BCHE: variants seen among roughly 807,000 people sequenced by gnomAD.
BCHE encodes cholinesterase.
A neutral mutation model predicts 51.3 loss-of-function variants in BCHE; 48 were observed. The observed-to-expected ratio is 0.94, with a 90% CI of 0.74 to 1.19. The LOEUF (loss-of-function observed/expected upper bound fraction) is 1.19, where lower values mean the gene tolerates loss of function less well. BCHE is among the 50% of genes most tolerant of loss of function. BCHE has a pLI of 0.00. For missense variants in BCHE, 847 were observed against 708.2 expected (o/e 1.20, Z -2.23); for synonymous variants, 251 against 238.0 (o/e 1.05, Z -0.50).
chr3:165,835,780 C>T (rs530718226), intron 1 of BCHE, among the ~76,000 whole-genome samples: 5 of 151,856 alleles, frequency 3.3e-5, no homozygotes, highest in Non-Finnish European at 5.9e-5. Context: ...TTAGGAAGAA[C>T]ATTTGCAAAC....
At chr3:165,787,116 T>C (rs963065718) in intron 2 of BCHE, among the ~76,000 whole-genome samples, 1 of 151,832 alleles carries the variant, frequency 6.6e-6, no homozygotes, top group African/African-American at 2.4e-5. Flanking sequence ...AACTTTCATA[T>C]TATCTTTTTA....
In BCHE at chr3:165,799,668, C is replaced by T. The variant is rs527448733; in HGVS notation, c.1518-13357G>A. On this transcript the variant is annotated intron_variant, in intron 2 of 3. Transcript: ENST00000264381. ...CATAAACATATATACAGACTCGAGC[C>T]TAAATCATGCTTAATGAATTTTTCA... 3.3e-5 allele frequency among the ~76,000 whole-genome samples: 5 copies of T among 152,140 alleles called. No homozygotes were observed. The South Asian group carries it at 1.0e-3, about 32-fold the overall frequency.
intron 3 of BCHE, among the ~76,000 whole-genome samples, chr3:165,780,975 C>T (rs962853556): frequency 6.6e-6 from 1 of 152,114 alleles, no homozygotes; most frequent in Non-Finnish European, 1.5e-5. Flanking sequence ...GGTGCAGTGG[C>T]TCACACATTT....
chr3:165,782,183 G>T (rs1712733115), intron 3 of BCHE, among the ~76,000 whole-genome samples: 1 of 151,936 alleles, frequency 6.6e-6, no homozygotes, highest in Admixed American at 6.6e-5. Flanking sequence ...AGCTTTCTAT[G>T]CCCAATTTTA....
chr3:165,779,300 A>C (rs1489549457), intron 3 of BCHE, among the ~76,000 whole-genome samples: 1 of 152,144 alleles, frequency 6.6e-6, no homozygotes, highest in African/African-American at 2.4e-5. Context: ...ATTTATGACA[A>C]ACCCATAGCC....
chr3:165,830,633 T>C lies in BCHE; in HGVS notation c.401A>G (p.Asn134Ser), dbSNP rs1221717614. ...NVWIPAPKPK[N>S]ATVLIWIYGG... ...ATAAATCCATATCAATACAGTGGCA[T>C]TTTTTGGTTTAGGTGCTGGAATCCA... Residue 134 changes from asparagine (N) to serine (S), a missense_variant, in exon 2 of 4, where the codon AAT becomes AGT. By Grantham distance (46) the Asn-to-Ser change is conservative. Transcript: ENST00000264381. 20 of 1,613,904 alleles carry C rather than the reference T, an allele frequency of 1.2e-5. No individual in the cohort carries two copies. Among genetic ancestry groups the C allele is most frequent in the Non-Finnish European group, 1.6e-5 (19 of 1,179,956 alleles).
At chr3:165,787,129 A>G (rs867018517) in intron 2 of BCHE, among the ~76,000 whole-genome samples, 2 of 151,666 alleles carry the variant, frequency 1.3e-5, no homozygotes, top group African/African-American at 2.4e-5. Flanking sequence ...TCTTTTTATG[A>G]TATTTCCCAT....
intron 2 of BCHE, among the ~76,000 whole-genome samples, chr3:165,792,531 T>A (rs963206474): frequency 2.0e-5 from 3 of 152,094 alleles, no homozygotes; most frequent in African/African-American, 7.2e-5. Context: ...AGTAAAATAA[T>A]TGGGAGAAAA....
At chr3:165,798,842 C>A (rs1298851367) in intron 2 of BCHE, among the ~76,000 whole-genome samples, 1 of 151,798 alleles carries the variant, frequency 6.6e-6, no homozygotes, top group African/African-American at 2.4e-5. Flanking sequence ...AAGAAGTAAG[C>A]AGTCTTCTCA....
Position 165,829,371 on chromosome 3 carries a change from A to G in BCHE, c.1517+146T>C. On this transcript the variant is annotated intron_variant, in intron 2 of 3. Coordinates refer to ENST00000264381, the MANE Select transcript of BCHE (RefSeq NM_000055.4). ...GGGAGTTGAAATGCAGTTCATAAGA[A>G]AAAATAAAACCAGCTTTGGTACAAA... 3.9e-6 allele frequency: 3 copies of G among 760,582 alleles called. No individual in the cohort carries two copies. In the East Asian group the frequency reaches 8.0e-5, roughly 20 times the overall value. The allele number at this position is 760,582 out of a possible 1,614,324, so 47.1% of individuals were successfully genotyped here. A position where few individuals can be genotyped will look rare whatever the true frequency, so the allele number is the denominator to read the frequency against.
At chr3:165,823,884 T>C (rs1211754045) in intron 2 of BCHE, among the ~76,000 whole-genome samples, 1 of 150,946 alleles carries the variant, frequency 6.6e-6, no homozygotes, top group Non-Finnish European at 1.5e-5. Flanking sequence ...CGGCCTCCCA[T>C]GTAGCTGAGG....
At chr3:165,828,681 C>A (rs1714824705) in intron 2 of BCHE, among the ~76,000 whole-genome samples, 1 of 151,452 alleles carries the variant, frequency 6.6e-6, no homozygotes, top group South Asian at 2.1e-4. Context: ...CACATTGGTG[C>A]AATTTACTCC....
At position 165,829,606 on chromosome 3, in the gene BCHE, T is replaced by C; in HGVS notation, c.1428A>G (p.Leu476=). 1.2e-6 allele frequency: 2 copies of C among 1,613,756 alleles called. No individual in the cohort carries two copies. Among genetic ancestry groups the C allele is most frequent in the South Asian group, 1.1e-5 (1 of 91,084 alleles). ...TGTAATTATCTCTTCTTTCCAGAGG[T>C]AAACCAAAGACAAATTCAATTTCAT... The part of the protein sequence containing the change: ...HGYEIEFVFG[L]PLERRDNYTK... The change falls in exon 2 of 4, where the codon TTA becomes TTG. Residue 476 remains leucine (L), a synonymous_variant. Transcript: ENST00000264381.
At chr3:165,781,624 A>G (rs1200836365) in intron 3 of BCHE, among the ~76,000 whole-genome samples, 1 of 152,096 alleles carries the variant, frequency 6.6e-6, no homozygotes, top group Non-Finnish European at 1.5e-5. Flanking sequence ...GAGCATTAGG[A>G]CATATAGCTA....
chr3:165,831,234 A>G (rs1714975397), intron 1 of BCHE, among the ~76,000 whole-genome samples, 193 bp from the exon 2 acceptor site: 1 of 152,184 alleles, frequency 6.6e-6, no homozygotes, highest in African/African-American at 2.4e-5. Flanking sequence ...TTAGAAAAAA[A>G]AATAGTGGAA....
Position 165,829,801 on chromosome 3 carries a change from T to C in BCHE, c.1233A>G (p.Glu411=), listed in dbSNP as rs1714879688. Residue 411 remains glutamate, a synonymous_variant, in exon 2 of 4, where the codon GAA becomes GAG. Transcript: ENST00000264381. ...YTDWVDDQRP[E]NYREALGDVV... ...CATCACCCAAGGCCTCACGGTAGTT[T>C]TCAGGTCTCTGATCATCTACCCAGT... is the stretch of plus-strand genomic sequence containing the variant. 4 of 1,613,952 alleles carry C rather than the reference T, an allele frequency of 2.5e-6. No homozygotes were observed. The highest frequency in any genetic ancestry group is 3.4e-6 in the Non-Finnish European group (4 of 1,179,908).
chr3:165,806,796 A>T (rs2108218276), intron 2 of BCHE, among the ~76,000 whole-genome samples: 1 of 152,266 alleles, frequency 6.6e-6, no homozygotes, highest in South Asian at 2.1e-4. Flanking sequence ...ATGAAGTATT[A>T]TTCTAATTGT....
chr3:165,830,969 A>C lies in BCHE; in HGVS notation c.65T>G (p.Leu22Arg), dbSNP rs771168157. 5 of 1,613,862 alleles carry C rather than the reference A, an allele frequency of 3.1e-6. No homozygotes were observed. Among genetic ancestry groups the C allele is most frequent in the Non-Finnish European group, 3.4e-6 (4 of 1,179,878 alleles). The change falls in exon 2 of 4, where the codon CTT becomes CGT. Residue 22 changes from leucine to arginine, a missense_variant. By Grantham distance (102) the Leu-to-Arg change is moderately radical. Coordinates refer to ENST00000264381, the MANE Select transcript of BCHE (RefSeq NM_000055.4). ...ATCTTCAGTATGTGACTTCCCAATAAGCATGCAGAGCAAAAGAAACCAAAA... is the reference window on the plus strand; with the variant it reads ...ATCTTCAGTATGTGACTTCCCAATACGCATGCAGAGCAAAAGAAACCAAAA... ...FLFWFLLLCM[L>R]IGKSHTEDDI...
chr3:165,808,815 C>A (rs940877242), intron 2 of BCHE, among the ~76,000 whole-genome samples: 2 of 151,964 alleles, frequency 1.3e-5, no homozygotes, highest in Non-Finnish European at 2.9e-5. Context: ...TTTCTGACAA[C>A]CAAAAAGACT....
Sources: gnomAD v4.1 joint callset for allele counts (sites outside exome capture counted in the v4.1 genomes callset) on GRCh38, gnomAD v4.1.1 for gene constraint, MANE v1.5 for transcripts, NCBI Gene and HGNC (gene_info 2026-07-23, HGNC 2026-07-21) for gene names.